The following TCHH variants were observed in gnomAD, a reference collection of about 807,000 sequenced individuals.
TCHH encodes trichohyalin.
TCHH carries 6 observed loss-of-function variants against 6.3 expected under a neutral mutation model. The observed-to-expected ratio is 0.95, with a 90% CI of 0.52 to 1.88. The LOEUF (loss-of-function observed/expected upper bound fraction) is 1.88, where lower values mean the gene tolerates loss of function less well. Ranked by LOEUF, TCHH falls within the 40% of genes most tolerant of loss-of-function variation. The pLI is 0.01. For missense variants in TCHH, 2,920 were observed against 2,449.1 expected (o/e 1.19, Z -4.06); for synonymous variants, 1,087 against 963.6 (o/e 1.13, Z -2.37).
chr1:152,111,121 C>CT lies in TCHH; in HGVS notation c.2095dup (p.Ser699LysfsTer47). On this transcript the variant is annotated frameshift_variant, in exon 3 of 3. Coordinates refer to ENST00000614923, the MANE Select transcript of TCHH (RefSeq NM_007113.4). LOFTEE classifies it low-confidence loss of function (END_TRUNC). ...CTGCCACTGCCACTTCGGGATGCGG[C>CT]TCTTAATCCGCTCCCGGGCCTGTTC... 1 of 1,613,750 alleles carries CT rather than the reference C, an allele frequency of 6.2e-7. No homozygotes were observed. Among genetic ancestry groups the CT allele is most frequent in the South Asian group, 1.1e-5 (1 of 91,082 alleles).
rs146612508 is a variant in TCHH, at chr1:152,108,036, C to A, written c.5181G>T (p.Glu1727Asp). The A allele has an allele frequency of 9.8e-5, 158 of 1,613,596 alleles. 2 individuals carry two copies. The African/African-American group carries it at 1.8e-3, about 18-fold the overall frequency. Residue 1727 changes from glutamate (E) to aspartate (D), a missense_variant, in exon 3 of 3, where the codon GAG becomes GAT. Glu to Asp is a conservative substitution (Grantham distance 45). Coordinates refer to ENST00000614923, the MANE Select transcript of TCHH (RefSeq NM_007113.4). ...RRQELERKFR[E>D]EEQLRQETEQ... ...CCGTTTCTTGGCGCAGCTGTTCCTC[C>A]TCACGGAATTTTCTCTCCAGTTCCT...
In TCHH at chr1:152,112,248, C is replaced by T. The variant is rs1658399975; in HGVS notation, c.969G>A (p.Glu323=). 6 of 1,604,778 alleles carry T rather than the reference C, an allele frequency of 3.7e-6. No individual in the cohort carries two copies. Among genetic ancestry groups the T allele is most frequent in the South Asian group, 1.1e-5 (1 of 90,852 alleles). The change falls in exon 3 of 3, where the codon GAG becomes GAA. Residue 323 remains glutamate, a synonymous_variant. Transcript: ENST00000614923. ...ERREQQEERR[E]QQERREQQEE... ...CCTGCTGCTCGCGCCTCTCCTGCTG[C>T]TCGCGCCTCTCCTCCTGCTGCTCGC...
chr1:152,107,689 C>T lies in TCHH; in HGVS notation c.5528G>A (p.Arg1843Gln), dbSNP rs755515750. ...AAACTGCTCCTCCGCCCGGTACTGCCGGTCTCGCTCCTGCCGCAGCCTCTG... is the reference window on the plus strand; with the variant it reads ...AAACTGCTCCTCCGCCCGGTACTGCTGGTCTCGCTCCTGCCGCAGCCTCTG... Reference protein sequence around the residue: ...QEQRLRQERDRQYRAEEQFAT... With the variant: ...QEQRLRQERDQQYRAEEQFAT... The change falls in exon 3 of 3, where the codon CGG (arginine) becomes CAG (glutamine). Residue 1843 changes from arginine (R) to glutamine (Q), a missense_variant. Coordinates refer to ENST00000614923, the MANE Select transcript of TCHH (RefSeq NM_007113.4). 2.5e-6 allele frequency: 4 copies of T among 1,614,084 alleles called. No homozygotes were observed. The highest frequency in any genetic ancestry group is 2.2e-5 in the South Asian group (2 of 91,082).
Position 152,114,035 on chromosome 1 carries a change from T to A in TCHH, c.46A>T (p.Asn16Tyr), listed in dbSNP as rs531143545. Residue 16 changes from asparagine to tyrosine, a missense_variant, in exon 2 of 3, where the codon AAT becomes TAT. Coordinates refer to ENST00000614923, the MANE Select transcript of TCHH (RefSeq NM_007113.4). ...TCACAATCATGAGAGACATACTGAT[T>A]GAAAATTTCAGTGATGTCACAGATG... ...RSICDITEIF[N>Y]QYVSHDCDGA... The A allele has an allele frequency of 6.2e-7, 1 of 1,613,528 alleles. No homozygotes were observed. Among genetic ancestry groups the A allele is most frequent in the African/African-American group, 1.3e-5 (1 of 75,030 alleles).
In TCHH at chr1:152,112,891, A is replaced by G; in HGVS notation, c.326T>C (p.Leu109Pro). Residue 109 changes from leucine to proline, a missense_variant, in exon 3 of 3, where the codon CTG becomes CCG. By Grantham distance (98) the Leu-to-Pro change is moderately conservative (BLOSUM62 -3). Coordinates refer to ENST00000614923, the MANE Select transcript of TCHH (RefSeq NM_007113.4). ...KRARCDGKESLLQDRRQEEDQ... is the reference protein window; with the variant it reads ...KRARCDGKESPLQDRRQEEDQ... The stretch of plus-strand genomic sequence containing the variant: ...TTCTTCTTGCCTGCGATCTTGTAAC[A>G]GGCTCTCCTTTCCGTCACACCGGGC... 1.9e-6 allele frequency: 3 copies of G among 1,613,786 alleles called. No individual in the cohort carries two copies. Among genetic ancestry groups the G allele is most frequent in the Non-Finnish European group, 2.5e-6 (3 of 1,179,994 alleles).
chr1:152,109,368 C>T lies in TCHH; in HGVS notation c.3849G>A (p.Arg1283=). 2.5e-6 allele frequency: 4 copies of T among 1,614,252 alleles called. No homozygotes were observed. Among genetic ancestry groups the T allele is most frequent in the Non-Finnish European group, 3.4e-6 (4 of 1,180,044 alleles). Residue 1283 remains arginine, a synonymous_variant, in exon 3 of 3, where the codon AGG becomes AGA. Coordinates refer to ENST00000614923, the MANE Select transcript of TCHH (RefSeq NM_007113.4). ...EQQERDREQE[R]RRWQQRDRHF... ...GCCTGTCGCGCTGCTGCCAGCGCCTCCTCTCTTGCTCACGATCTCGCTCTT... is the reference window on the plus strand; with the variant it reads ...GCCTGTCGCGCTGCTGCCAGCGCCTTCTCTCTTGCTCACGATCTCGCTCTT...
chr1:152,112,574 G>T lies in TCHH; in HGVS notation c.643C>A (p.Leu215Met), dbSNP rs1434709908. Residue 215 changes from leucine to methionine, a missense_variant, in exon 3 of 3, where the codon CTG becomes ATG. Transcript: ENST00000614923. ...CGGCCCTTCCTCCTCAGCTCCAGCA[G>T]CTCCCGCCTTCGCAGTTGCTCTTCG... Reference protein sequence around the residue: ...PDEEQLRRRELLELRRKGREE... With the variant: ...PDEEQLRRREMLELRRKGREE... 1.9e-6 allele frequency: 3 copies of T among 1,613,480 alleles called. No homozygotes were observed. The highest frequency in any genetic ancestry group is 1.1e-5 in the South Asian group (1 of 91,068).
In TCHH at chr1:152,108,950, G is replaced by A. The variant is rs1189754772; in HGVS notation, c.4267C>T (p.Leu1423=). Residue 1423 remains leucine (L), a synonymous_variant, in exon 3 of 3, where the codon CTG becomes TTG. Transcript: ENST00000614923. ...DRKFREEEQQ[L]SRQERDRKFR... ...TTTCTGTCACGCTCTTGGCGGCTCAGCTGCTGTTCCTCCTCGCGGAATTTT... is the reference window on the plus strand; with the variant it reads ...TTTCTGTCACGCTCTTGGCGGCTCAACTGCTGTTCCTCCTCGCGGAATTTT... 6.2e-7 allele frequency: 1 copy of A among 1,613,578 alleles called. No individual in the cohort carries two copies. Among genetic ancestry groups the A allele is most frequent in the African/African-American group, 1.3e-5 (1 of 74,874 alleles).
Position 152,111,820 on chromosome 1 carries a change from C to T in TCHH, c.1397G>A (p.Arg466Lys), listed in dbSNP as rs761332108. Residue 466 changes from arginine to lysine, a missense_variant, in exon 3 of 3, where the codon AGG (arginine) becomes AAG (lysine). Transcript: ENST00000614923. ...CTGCTTGCGCCTCTCCTGCTCGTGCCTCTCCGTCTCCTCCTCGCGCTTCAG... is the reference window on the plus strand; with the variant it reads ...CTGCTTGCGCCTCTCCTGCTCGTGCTTCTCCGTCTCCTCCTCGCGCTTCAG... ...DWLKREEETERHEQERRKQQL... is the reference protein window; with the variant it reads ...DWLKREEETEKHEQERRKQQL... The T allele has an allele frequency of 1.9e-6, 3 of 1,562,414 alleles. No homozygotes were observed. The highest frequency in any genetic ancestry group is 1.7e-6 in the Non-Finnish European group (2 of 1,155,144).
In TCHH at chr1:152,107,872, T is replaced by C. The variant is rs2496249; in HGVS notation, c.5345A>G (p.Glu1782Gly). 1 of 1,613,516 alleles carries C rather than the reference T, an allele frequency of 6.2e-7. No homozygotes were observed. Among genetic ancestry groups the C allele is most frequent in the Non-Finnish European group, 8.5e-7 (1 of 1,179,830 alleles). ...GCTGCGCAGCTGCTGTTCCTCCCTC[T>C]CCTGGCGGAGCTGTTCCTCCTCGCG... Reference protein sequence around the residue: ...KFREEEQLRQEREEQQLRSQE... With the variant: ...KFREEEQLRQGREEQQLRSQE... Residue 1782 changes from glutamate (E) to glycine (G), a missense_variant, in exon 3 of 3, where the codon GAG becomes GGG. By Grantham distance (98) the Glu-to-Gly change is moderately conservative. Transcript: ENST00000614923.
rs200420041 is a variant in TCHH, at chr1:152,110,771, C to T, written c.2446G>A (p.Glu816Lys). The T allele has an allele frequency of 2.5e-5, 40 of 1,606,968 alleles. No individual in the cohort carries two copies. In the Admixed American group the frequency reaches 6.3e-4, roughly 25 times the overall value. ...CGCTGGCGGCGCCGCTGCTCCTTCT[C>T]CTCCTCCTCCGGGAGAAACCGTTGT... Reference protein sequence around the residue: ...REQRFLPEEEEKEQRRRQRRE... With the variant: ...REQRFLPEEEKKEQRRRQRRE... The change falls in exon 3 of 3, where the codon GAG becomes AAG. Residue 816 changes from glutamate (E) to lysine (K), a missense_variant. By Grantham distance (56) the Glu-to-Lys change is moderately conservative. Coordinates refer to ENST00000614923, the MANE Select transcript of TCHH (RefSeq NM_007113.4).
rs760725607 is a variant in TCHH, at chr1:152,108,486, A to G, written c.4731T>C (p.Arg1577=). The change falls in exon 3 of 3, where the codon CGT becomes CGC. Residue 1577 remains arginine (R), a synonymous_variant. Transcript: ENST00000614923. ...GTTCCTCTAAACGGAATTTTCTGTC[A>G]CGCTCTTGGCGGCTCAGCTGCTGTT... ...REEQQLSRQE[R]DRKFRLEEQK... 1 of 1,601,856 alleles carries G rather than the reference A, an allele frequency of 6.2e-7. No individual in the cohort carries two copies. The highest frequency in any genetic ancestry group is 1.7e-5 in the Admixed American group (1 of 58,866).
In TCHH at chr1:152,113,795, C is replaced by CT. The variant is rs1275776605; in HGVS notation, c.138+147dup. On this transcript the variant is annotated intron_variant, in intron 2 of 2. Transcript: ENST00000614923. Reference sequence around the variant, plus strand: ...TCAGACTACAATGTCAAGTAAGTACCTTTTGACTCAGAAATGAATGGGGGA... The same window carrying CT: ...TCAGACTACAATGTCAAGTAAGTACCTTTTTGACTCAGAAATGAATGGGGGA... 4 of 929,304 alleles carry CT rather than the reference C, an allele frequency of 4.3e-6. No homozygotes were observed. In the East Asian group the frequency reaches 1.0e-4, roughly 24 times the overall value. 57.6% of individuals were successfully genotyped at this position (929,304 alleles called of 1,614,324 possible).
Position 152,113,047 on chromosome 1 carries a change from A to G in TCHH, c.170T>C (p.Ile57Thr). Reference protein sequence around the residue: ...RPHDPKTVDLILELLDLDSNG... With the variant: ...RPHDPKTVDLTLELLDLDSNG... Reference sequence around the variant, plus strand: ...ACTGTCAAGATCCAGAAGTTCCAGGATCAGATCTACCGTCTTAGGGTCATG... The same window carrying G: ...ACTGTCAAGATCCAGAAGTTCCAGGGTCAGATCTACCGTCTTAGGGTCATG... Residue 57 changes from isoleucine to threonine, a missense_variant, in exon 3 of 3, where the codon ATC becomes ACC. Physicochemically the swap from Ile to Thr is moderately conservative, Grantham distance 89 (BLOSUM62 -1). Transcript: ENST00000614923. 1 of 1,613,676 alleles carries G rather than the reference A, an allele frequency of 6.2e-7. No homozygotes were observed. The highest frequency in any genetic ancestry group is 1.3e-5 in the African/African-American group (1 of 75,016).
At position 152,110,451 on chromosome 1, in the gene TCHH, C is replaced by T; in HGVS notation, c.2766G>A (p.Arg922=). ...ELQREEREKR[R]RQEQERQYRE... is the part of the protein sequence containing the mutation. The stretch of plus-strand genomic sequence containing the variant: ...GGTATTGTCTCTCCTGTTCTTGGCG[C>T]CTTCTCTTCTCGCGCTCCTCTCTCT... The change falls in exon 3 of 3, where the codon AGG becomes AGA. Residue 922 remains arginine, a synonymous_variant. Transcript: ENST00000614923. The T allele has an allele frequency of 1.2e-6, 2 of 1,614,052 alleles. No homozygotes were observed. Among genetic ancestry groups the T allele is most frequent in the Non-Finnish European group, 1.7e-6 (2 of 1,179,948 alleles).
intron 1 of TCHH, among the ~76,000 whole-genome samples, 160 bp from the exon 2 acceptor site, chr1:152,114,271 A>G (rs555347938): frequency 4.6e-5 from 7 of 152,328 alleles, no homozygotes; most frequent in African/African-American, 1.7e-4. Context: ...TTGTATCAGA[A>G]AGAGAAAGAG....
intron 1 of TCHH, among the ~76,000 whole-genome samples, chr1:152,114,789 T>C (rs1658468798): frequency 6.6e-6 from 1 of 152,184 alleles, no homozygotes; most frequent in Non-Finnish European, 1.5e-5. Context: ...TAGTAAGATA[T>C]TCGGATATTG....
chr1:152,113,181 C>T (rs1557813789), intron 2 of TCHH, 103 bp from the exon 3 acceptor site: 1 of 1,148,284 alleles, frequency 8.7e-7, no homozygotes, highest in South Asian at 1.8e-5. Context: ...ATTCAAGAGA[C>T]ATTCAGAGCA....
Position 152,108,751 on chromosome 1 carries a change from T to C in TCHH, c.4466A>G (p.Glu1489Gly). Reference sequence around the variant, plus strand: ...TTGGCGGCGCAGCTGTTGTTCCTCCTCCAGGAATTTTCTGTCACGCTCTTG... The same window carrying C: ...TTGGCGGCGCAGCTGTTGTTCCTCCCCCAGGAATTTTCTGTCACGCTCTTG... ...HRQERDRKFL[E>G]EEQQLRRQER... Residue 1489 changes from glutamate to glycine, a missense_variant, in exon 3 of 3, where the codon GAG becomes GGG. Glu to Gly is a moderately conservative substitution (Grantham distance 98). Coordinates refer to ENST00000614923, the MANE Select transcript of TCHH (RefSeq NM_007113.4). 2 of 1,609,974 alleles carry C rather than the reference T, an allele frequency of 1.2e-6. No homozygotes were observed. The highest frequency in any genetic ancestry group is 1.7e-6 in the Non-Finnish European group (2 of 1,178,862).
Sources: gnomAD v4.1 joint callset for allele counts (sites outside exome capture counted in the v4.1 genomes callset) on GRCh38, gnomAD v4.1.1 for gene constraint, MANE v1.5 for transcripts, NCBI Gene and HGNC (gene_info 2026-07-23, HGNC 2026-07-21) for gene names.